Variants in MEIKIN observed in about 807,000 individuals in gnomAD.
MEIKIN encodes meiosis-specific kinetochore protein.
At chr5:131,836,663 T>C (rs1469200121) in intron 11 of MEIKIN, among the ~76,000 whole-genome samples, 2 of 152,212 alleles carry the variant, frequency 1.3e-5, no homozygotes, top group African/African-American at 4.8e-5. Context: ...GTTGAGCTTT[T>C]TTTTTATACA....
At chr5:131,939,683 T>G (rs1751837162) in intron 4 of MEIKIN, among the ~76,000 whole-genome samples, 1 of 152,172 alleles carries the variant, frequency 6.6e-6, no homozygotes, top group South Asian at 2.1e-4. Flanking sequence ...TGCTCAAAAC[T>G]TAGCCCATCA....
chr5:131,932,613 G>A (rs955622679), intron 5 of MEIKIN, among the ~76,000 whole-genome samples: 11 of 152,200 alleles, frequency 7.2e-5, no homozygotes, highest in Admixed American at 5.2e-4. Context: ...CACCCATTAC[G>A]AGGGTATGAA....
intron 12 of MEIKIN, among the ~76,000 whole-genome samples, chr5:131,811,823 GTC>G (rs929072674): frequency 1.4e-4 from 21 of 152,062 alleles, no homozygotes; most frequent in African/African-American, 5.1e-4. Flanking sequence ...AGCCAGGATG[GTC>G]TCGATCTCCT....
intron 8 of MEIKIN, among the ~76,000 whole-genome samples, chr5:131,889,618 A>T (rs947323752): frequency 6.6e-6 from 1 of 152,190 alleles, no homozygotes. Context: ...TGGGCTGAGA[A>T]GATGGGGTTT....
intron 9 of MEIKIN, among the ~76,000 whole-genome samples, chr5:131,875,569 C>A (rs1750597041): frequency 6.6e-6 from 1 of 152,034 alleles, no homozygotes; most frequent in African/African-American, 2.4e-5. Flanking sequence ...GCCATACTGC[C>A]CCAGGTAATT....
At chr5:131,863,072 A>T (rs1452976125) in intron 9 of MEIKIN, among the ~76,000 whole-genome samples, 1 of 152,186 alleles carries the variant, frequency 6.6e-6, no homozygotes, top group African/African-American at 2.4e-5. Flanking sequence ...CATCTTGCTA[A>T]GTTTTCAAGT....
chr5:131,822,198 G>C (rs1359790641), intron 11 of MEIKIN, among the ~76,000 whole-genome samples: 1 of 152,020 alleles, frequency 6.6e-6, no homozygotes, highest in South Asian at 2.1e-4. Context: ...GCTTCCTGTA[G>C]GCAACAGATC....
chr5:131,847,847 A>C (rs1243965761), intron 11 of MEIKIN, among the ~76,000 whole-genome samples: 1 of 152,122 alleles, frequency 6.6e-6, no homozygotes, highest in Non-Finnish European at 1.5e-5. Flanking sequence ...AAATAGAATG[A>C]AGTCATTAAA....
chr5:131,870,382 C>T (rs1181140201), intron 9 of MEIKIN, among the ~76,000 whole-genome samples: 1 of 152,016 alleles, frequency 6.6e-6, no homozygotes, highest in Non-Finnish European at 1.5e-5. Context: ...TTATTTTTCT[C>T]CTCTTCTCCA....
chr5:131,921,330 A>G (rs1221096391), intron 6 of MEIKIN, among the ~76,000 whole-genome samples: 1 of 152,158 alleles, frequency 6.6e-6, no homozygotes, highest in Non-Finnish European at 1.5e-5. Context: ...TGGGCAACAT[A>G]GCGAGACTCC....
intron 4 of MEIKIN, among the ~76,000 whole-genome samples, chr5:131,940,972 C>T (rs1167620741): frequency 1.3e-5 from 2 of 151,804 alleles, no homozygotes; most frequent in Admixed American, 1.3e-4. Context: ...TAAGAGCCAG[C>T]CCCCCCGATA....
chr5:131,842,995 CTCTTGCCT>C (rs1749944095), intron 11 of MEIKIN, among the ~76,000 whole-genome samples: 1 of 152,226 alleles, frequency 6.6e-6, no homozygotes, highest in Non-Finnish European at 1.5e-5. Flanking sequence ...CAAACCTCAA[CTCTTGCCT>C]TCTGTGCACC....
chr5:131,933,859 A>ATCCCCTTT (rs1478683857), intron 4 of MEIKIN, among the ~76,000 whole-genome samples: 2 of 152,110 alleles, frequency 1.3e-5, no homozygotes, highest in Non-Finnish European at 2.9e-5. Context: ...ATTTGTTATA[A>ATCCCCTTT]TCCCCTTTTG....
chr5:131,925,257 T>C (rs2149649294), intron 5 of MEIKIN, among the ~76,000 whole-genome samples: 1 of 152,328 alleles, frequency 6.6e-6, no homozygotes, highest in Non-Finnish European at 1.5e-5. Flanking sequence ...TTTTGGCTAT[T>C]TGAGCTTCTT....
At chr5:131,895,735 C>T (rs1394472716) in intron 8 of MEIKIN, among the ~76,000 whole-genome samples, 2 of 151,830 alleles carry the variant, frequency 1.3e-5, no homozygotes, top group Non-Finnish European at 2.9e-5. Flanking sequence ...TGGTGATATC[C>T]CCTTTATCAT....
intron 12 of MEIKIN, among the ~76,000 whole-genome samples, chr5:131,813,772 T>G (rs1773049125): frequency 6.6e-6 from 1 of 152,062 alleles, no homozygotes. Context: ...TTTGGCTGTA[T>G]GGTCAGGGAC....
At chr5:131,929,779 G>A (rs1264270097) in intron 5 of MEIKIN, among the ~76,000 whole-genome samples, 5 of 152,092 alleles carry the variant, frequency 3.3e-5, no homozygotes, top group South Asian at 2.1e-4. Context: ...GAGAACATAT[G>A]GTATTTGGTT....
At chr5:131,823,903 CAGTACCACCTTGGT>C (rs1411694664) in intron 11 of MEIKIN, among the ~76,000 whole-genome samples, 4 of 152,198 alleles carry the variant, frequency 2.6e-5, no homozygotes, top group East Asian at 1.9e-4. Flanking sequence ...AGACTTGTAG[CAGTACCACCTTGGT>C]AGTACCACCT....
At chr5:131,853,715 T>C (rs1300466239) in intron 10 of MEIKIN, among the ~76,000 whole-genome samples, 1 of 152,132 alleles carries the variant, frequency 6.6e-6, no homozygotes, top group East Asian at 1.9e-4. Context: ...CCAAAAAAGA[T>C]ATACAAATAG....
Sources: allele counts gnomAD v4.1 joint callset (sites outside exome capture counted in the v4.1 genomes callset), GRCh38; gene constraint gnomAD v4.1.1; transcripts MANE v1.5; gene names NCBI Gene and HGNC (gene_info 2026-07-23, HGNC 2026-07-21).